Variants in DLG2 observed in about 807,000 individuals in gnomAD.
DLG2 encodes disks large homolog 2.
A neutral mutation model predicts 132.5 loss-of-function variants in DLG2; 45 were observed. The observed-to-expected ratio is 0.34, with a 90% confidence interval of 0.27 to 0.44. The LOEUF (loss-of-function observed/expected upper bound fraction) is 0.44. Ranked by LOEUF, DLG2 falls within the 20% of genes least tolerant of loss-of-function variation. The probability of loss-of-function intolerance (pLI) is 1.00; values close to 1 mark genes in which losing one functional copy is unlikely to be tolerated. For synonymous variants in DLG2, 424 were observed against 419.6 expected, an observed-to-expected ratio of 1.01 and a Z score of -0.13; for missense variants, 1,045 against 1,196.9, an observed-to-expected ratio of 0.87 and a Z score of 1.87.
In DLG2 at chr11:83,905,814, A is replaced by G. The variant is rs140562124; in HGVS notation, c.1496+24514T>C. Among the ~76,000 whole-genome samples, 3 of 152,224 alleles carry G rather than the reference A, an allele frequency of 2.0e-5. No individual in the cohort carries two copies. The East Asian group carries it at 5.8e-4, about 29-fold the overall frequency. ...GTCTAATTCACCTTTGACGTAAGCCATTTGTACATTATCAACATACTGTTA... is the reference window on the plus strand; with the variant it reads ...GTCTAATTCACCTTTGACGTAAGCCGTTTGTACATTATCAACATACTGTTA... On this transcript the variant is annotated intron_variant, in intron 15 of 27. Transcript: ENST00000376104.
At chr11:83,549,771 C>T (rs17145439) in intron 19 of DLG2, among the ~76,000 whole-genome samples, 5,253 of 152,190 alleles carry the variant, frequency 0.035, 298 homozygotes, top group African/African-American at 0.12. Context: ...GCATATTTGT[C>T]TTGAAAACAG....
In DLG2 at chr11:84,671,096, A is replaced by AT. The variant is rs11320250; in HGVS notation, c.358-136366dup. On this transcript the variant is annotated intron_variant, in intron 6 of 27. Transcript: ENST00000376104. ...CTTCTGGGATTTACCGAGTACAATAATTTTTTTTTTTTTTTTGAGACAAAG... is the reference window on the plus strand; with the variant it reads ...CTTCTGGGATTTACCGAGTACAATAATTTTTTTTTTTTTTTTTGAGACAAAG... 2.8e-3 allele frequency among the ~76,000 whole-genome samples: 395 copies of AT among 142,838 alleles called. 1 individual carries two copies. Among genetic ancestry groups the AT allele is most frequent in the Admixed American group, 5.6e-3 (79 of 14,186 alleles). 93.7% of individuals were successfully genotyped at this position (142,838 alleles called of 152,430 possible).
intron 18 of DLG2, among the ~76,000 whole-genome samples, chr11:83,661,103 C>T (rs778806805): frequency 6.6e-6 from 1 of 152,136 alleles, no homozygotes; most frequent in Non-Finnish European, 1.5e-5. Flanking sequence ...ACCAAATATA[C>T]CAGTTCTCCT....
chr11:83,717,519 G>T (rs2087012025), intron 18 of DLG2, among the ~76,000 whole-genome samples: 1 of 152,310 alleles, frequency 6.6e-6, no homozygotes, highest in African/African-American at 2.4e-5. Context: ...GAAATGAGTA[G>T]AGAGGGGATA....
At chr11:84,802,868 C>T (rs1045987703) in intron 6 of DLG2, among the ~76,000 whole-genome samples, 8 of 152,098 alleles carry the variant, frequency 5.3e-5, no homozygotes, top group South Asian at 4.1e-4. Context: ...GGCGCGATCT[C>T]GGCTCACTGC....
At chr11:84,904,000 T>C (rs1245306130) in intron 6 of DLG2, among the ~76,000 whole-genome samples, 2 of 152,172 alleles carry the variant, frequency 1.3e-5, no homozygotes, top group Non-Finnish European at 2.9e-5. Context: ...TATAGGCTTA[T>C]GCAATGTTCA....
intron 17 of DLG2, among the ~76,000 whole-genome samples, chr11:83,804,984 T>A (rs1594698717): frequency 6.6e-6 from 1 of 152,176 alleles, no homozygotes; most frequent in Non-Finnish European, 1.5e-5. Flanking sequence ...TTATAGAGTG[T>A]TCTGCATTTT....
At chr11:85,092,466 G>A (rs1032792043) in intron 6 of DLG2, among the ~76,000 whole-genome samples, 3 of 151,944 alleles carry the variant, frequency 2.0e-5, no homozygotes, top group Non-Finnish European at 2.9e-5. Flanking sequence ...TTTAAAAGTG[G>A]ATTTGAGAAA....
intron 8 of DLG2, among the ~76,000 whole-genome samples, chr11:84,212,802 G>T (rs2096773933): frequency 6.6e-6 from 1 of 152,152 alleles, no homozygotes; most frequent in East Asian, 1.9e-4. Flanking sequence ...GGGACTATAG[G>T]TGCATGCCAC....
chr11:83,588,319 T>C (rs547885751), intron 19 of DLG2, among the ~76,000 whole-genome samples: 3,457 of 146,542 alleles, frequency 0.024, 131 homozygotes, highest in African/African-American at 0.079. Context: ...CAAGTGGGTC[T>C]CTGACCCCTG....
chr11:85,113,482 G>T (rs1566876084), intron 5 of DLG2, among the ~76,000 whole-genome samples: 1 of 151,974 alleles, frequency 6.6e-6, no homozygotes, highest in Non-Finnish European at 1.5e-5. Context: ...CTGACACTAA[G>T]ATCTTCTCGT....
chr11:84,407,710 C>A (rs1199473334), intron 7 of DLG2, among the ~76,000 whole-genome samples: 1 of 152,134 alleles, frequency 6.6e-6, no homozygotes, highest in Non-Finnish European at 1.5e-5. Flanking sequence ...ATTTGCAGTG[C>A]TAGTGTAACA....
chr11:85,330,894 C>T (rs1010500835), intron 3 of DLG2, among the ~76,000 whole-genome samples: 4 of 151,246 alleles, frequency 2.6e-5, no homozygotes, highest in African/African-American at 9.7e-5. Context: ...TTACTTCCAC[C>T]TGGTGGTTTC....
intron 17 of DLG2, chr11:83,790,182 C>T (rs2153897850): frequency 2.3e-6 from 2 of 867,634 alleles, no homozygotes; most frequent in East Asian, 4.9e-5. Flanking sequence ...GTTCCATTTT[C>T]AGAGTCCCTG....
chr11:85,460,016 G>A lies in DLG2; in HGVS notation c.40+138641C>T, dbSNP rs1377399524. Among the ~76,000 whole-genome samples the A allele has an allele frequency of 2.6e-5, 4 of 152,152 alleles. No homozygotes were observed. The East Asian group carries it at 5.8e-4, about 22-fold the overall frequency. On this transcript the variant is annotated intron_variant, in intron 3 of 27. Coordinates refer to ENST00000376104, the MANE Select transcript of DLG2 (RefSeq NM_001142699.3). ...GCTATATTGGCAGGGGCTGACAGAC[G>A]ACAAAGGTAACCAGCCTCTCTTTCT... is the stretch of plus-strand genomic sequence containing the variant.
chr11:84,865,475 G>T (rs550932431), intron 6 of DLG2, among the ~76,000 whole-genome samples: 51 of 152,282 alleles, frequency 3.3e-4, no homozygotes, highest in African/African-American at 1.2e-3. Flanking sequence ...ATGTCCATCA[G>T]TGACTCAGAA....
At position 83,684,866 on chromosome 11, in the gene DLG2, T is replaced by C. The variant is rs143949685; in HGVS notation, c.1826-51541A>G. ...ATGAGTCATGATAACTCTTATATTG[T>C]AGCATTTCTCTGTTCCCCTGTCACG... On this transcript the variant is annotated intron_variant, in intron 18 of 27. Transcript: ENST00000376104. Among the ~76,000 whole-genome samples, 92 of 152,254 alleles carry C rather than the reference T, an allele frequency of 6.0e-4. 1 individual carries two copies. The highest frequency in any genetic ancestry group is 2.2e-3 in the African/African-American group (90 of 41,554).
intron 4 of DLG2, among the ~76,000 whole-genome samples, chr11:85,276,501 A>G (rs1347540973): frequency 6.6e-6 from 1 of 152,126 alleles, no homozygotes; most frequent in East Asian, 1.9e-4. Context: ...TAGTAACACA[A>G]TCTGCAGGGA....
chr11:85,026,470 A>G (rs929832399), intron 6 of DLG2, among the ~76,000 whole-genome samples: 2 of 152,140 alleles, frequency 1.3e-5, no homozygotes, highest in Non-Finnish European at 2.9e-5. Flanking sequence ...ACTTTCACAG[A>G]ATTTTGTTGG....
Sources: allele counts gnomAD v4.1 joint callset (sites outside exome capture counted in the v4.1 genomes callset), GRCh38; gene constraint gnomAD v4.1.1; transcripts MANE v1.5; gene names NCBI Gene and HGNC (gene_info 2026-07-23, HGNC 2026-07-21).